The following KRABD5 variants were observed in gnomAD, a reference collection of about 807,000 sequenced individuals.
KRABD5 encodes KRAB domain containing 5.
At chr16:31,722,434 G>GT in the KRABD5 span, among the ~76,000 whole-genome samples, 51 of 152,232 alleles carry the variant, frequency 3.4e-4, no homozygotes, top group African/African-American at 1.2e-3. Flanking sequence ...TGTGGATTTT[G>GT]TATCATTCTC....
the KRABD5 span, among the ~76,000 whole-genome samples, chr16:31,751,069 T>G: frequency 6.6e-6 from 1 of 152,252 alleles, no homozygotes; most frequent in Admixed American, 6.5e-5. Context: ...TTTTAAATTT[T>G]GATTCTATAT....
the KRABD5 span, among the ~76,000 whole-genome samples, chr16:31,736,269 C>A: frequency 6.6e-6 from 1 of 152,022 alleles, no homozygotes; most frequent in Admixed American, 6.6e-5. Context: ...TGCTTTAATG[C>A]CAGTATAATG....
the KRABD5 span, chr16:31,756,908 T>C: frequency 6.6e-6 from 1 of 152,112 alleles, no homozygotes; most frequent in Non-Finnish European, 1.5e-5. Flanking sequence ...AAATGATGGA[T>C]CACAACAGGA....
the KRABD5 span, chr16:31,754,500 T>G: frequency 1.6e-6 from 1 of 627,294 alleles, no homozygotes; most frequent in Non-Finnish European, 3.0e-6. Flanking sequence ...AGCCAAGGCA[T>G]AAGCCCCAGA....
chr16:31,738,930 A>G, the KRABD5 span, among the ~76,000 whole-genome samples: 8 of 152,178 alleles, frequency 5.3e-5, no homozygotes, highest in Non-Finnish European at 1.2e-4. Context: ...CCTTAATTGC[A>G]TACAAAAATC....
the KRABD5 span, chr16:31,759,526 C>A: frequency 3.7e-6 from 4 of 1,078,532 alleles, no homozygotes; most frequent in Non-Finnish European, 4.1e-6. Context: ...TTATGCCTTG[C>A]AATGTATGTA....
At chr16:31,714,163 TGA>T in the KRABD5 span, among the ~76,000 whole-genome samples, 1 of 152,204 alleles carries the variant, frequency 6.6e-6, no homozygotes, top group South Asian at 2.1e-4. Flanking sequence ...CCAAATGTTA[TGA>T]GACAGGACTT....
chr16:31,758,560 G>A, the KRABD5 span: 1 of 151,580 alleles, frequency 6.6e-6, no homozygotes, highest in Non-Finnish European at 1.5e-5. Flanking sequence ...GATCACCTGA[G>A]GTCAGGAGTT....
chr16:31,738,876 T>C, the KRABD5 span, among the ~76,000 whole-genome samples: 1 of 152,202 alleles, frequency 6.6e-6, no homozygotes, highest in South Asian at 2.1e-4. Context: ...ATAGATATTA[T>C]GTAAAACATC....
At chr16:31,733,263 T>C in the KRABD5 span, among the ~76,000 whole-genome samples, 2 of 152,312 alleles carry the variant, frequency 1.3e-5, no homozygotes, top group East Asian at 3.9e-4. Flanking sequence ...TCTGTCTAGA[T>C]GAGTAGTTAA....
At chr16:31,714,288 A>G in the KRABD5 span, 1 of 445,330 alleles carries the variant, frequency 2.2e-6, no homozygotes, top group Non-Finnish European at 4.5e-6. Context: ...TGAAGTATAA[A>G]GTGTAAGTGC....
the KRABD5 span, among the ~76,000 whole-genome samples, chr16:31,732,024 T>G: frequency 2.0e-5 from 3 of 152,232 alleles, no homozygotes; most frequent in African/African-American, 7.2e-5. Flanking sequence ...CAAGTGGGAA[T>G]GAATCCTCCT....
At chr16:31,755,553 T>C in the KRABD5 span, 1 of 462,816 alleles carries the variant, frequency 2.2e-6, no homozygotes, top group East Asian at 6.9e-5. Flanking sequence ...AAACCATATA[T>C]ATGTAAGGAT....
At chr16:31,745,946 CT>C in the KRABD5 span, among the ~76,000 whole-genome samples, 18 of 148,848 alleles carry the variant, frequency 1.2e-4, no homozygotes, top group African/African-American at 2.7e-4. Context: ...GCAACCCCTG[CT>C]TTTTTTTTTC....
chr16:31,748,514 A>G, the KRABD5 span, among the ~76,000 whole-genome samples: 1 of 152,188 alleles, frequency 6.6e-6, no homozygotes, highest in Admixed American at 6.5e-5. Context: ...GAAGGTTTTT[A>G]GCTTTTTTGC....
chr16:31,725,177 G>A, the KRABD5 span, among the ~76,000 whole-genome samples: 2 of 150,992 alleles, frequency 1.3e-5, no homozygotes, highest in Non-Finnish European at 2.9e-5. Context: ...GTGCAGTGGC[G>A]CCATCTTGGC....
chr16:31,750,161 G>C, the KRABD5 span, among the ~76,000 whole-genome samples: 2 of 152,102 alleles, frequency 1.3e-5, no homozygotes, highest in Admixed American at 1.3e-4. Flanking sequence ...TTGATTCTTT[G>C]AGCATGGAAT....
the KRABD5 span, among the ~76,000 whole-genome samples, chr16:31,727,246 T>G: frequency 1.3e-5 from 2 of 152,254 alleles, no homozygotes; most frequent in South Asian, 4.1e-4. Flanking sequence ...AATTCTTCGT[T>G]GCTGATATGA....
chr16:31,759,429 A>T, the KRABD5 span: 2 of 1,534,514 alleles, frequency 1.3e-6, no homozygotes, highest in South Asian at 2.4e-5. Context: ...AGACAAGTGA[A>T]TTTTCTGAGG....
Sources: gnomAD v4.1 joint callset for allele counts (sites outside exome capture counted in the v4.1 genomes callset) on GRCh38, gnomAD v4.1.1 for gene constraint, MANE v1.5 for transcripts, NCBI Gene and HGNC (gene_info 2026-07-23, HGNC 2026-07-21) for gene names.